TARS3: variants seen among roughly 807,000 people sequenced by gnomAD.
The protein encoded by TARS3 is threonine--tRNA ligase 2, cytoplasmic.
In TARS3, 94 loss-of-function variants were observed where a neutral mutation model predicts 103.5. That is an observed-to-expected ratio of 0.91 (90% confidence interval 0.77 to 1.08). The LOEUF is 1.08. Ranked by LOEUF, TARS3 falls within the 50% of genes least tolerant of loss-of-function variation. TARS3 has a pLI of 0.00. For synonymous variants in TARS3, 416 were observed against 355.4 expected (o/e 1.17, Z -1.92); for missense variants, 952 against 995.2 (o/e 0.96, Z 0.58).
At chr15:101,717,910 A>G (rs1900236155) in intron 3 of TARS3, among the ~76,000 whole-genome samples, 1 of 152,256 alleles carries the variant, frequency 6.6e-6, no homozygotes. Context: ...TAAAAATCCA[A>G]AACAAGTGGC....
intron 10 of TARS3, among the ~76,000 whole-genome samples, chr15:101,691,929 G>C (rs571262724): frequency 1.3e-5 from 2 of 151,516 alleles, no homozygotes; most frequent in South Asian, 2.1e-4. Context: ...TGGTTCTCAG[G>C]CCTCTGCACT....
At chr15:101,708,020 G>A (rs1204098777) in intron 6 of TARS3, among the ~76,000 whole-genome samples, 3 of 152,068 alleles carry the variant, frequency 2.0e-5, no homozygotes, top group Non-Finnish European at 2.9e-5. Flanking sequence ...GAGGGGGGTA[G>A]ATCACTTGAG....
intron 8 of TARS3, among the ~76,000 whole-genome samples, chr15:101,703,585 G>A (rs1899392084): frequency 6.6e-6 from 1 of 151,888 alleles, no homozygotes; most frequent in Admixed American, 6.6e-5. Context: ...GCAAGACTCT[G>A]TCTCAGAAAA....
At chr15:101,721,899 T>C (rs911613877) in intron 2 of TARS3, among the ~76,000 whole-genome samples, 1 of 152,252 alleles carries the variant, frequency 6.6e-6, no homozygotes, top group African/African-American at 2.4e-5. Context: ...CAGTATTCAA[T>C]AAATTACATG....
rs576457379 is a variant in TARS3 at position 101,709,877 on chromosome 15, CA to C, written c.813-968del. ...ATTTGGTCTTCATCCAGATTTCTGG[CA>C]CAGGGTTTTTAAAATCCTGAAATCT... On this transcript the variant is annotated intron_variant, in intron 5 of 18. Transcript: ENST00000335968. 7.3e-4 allele frequency among the ~76,000 whole-genome samples: 111 copies of C among 152,326 alleles called. 1 individual carries two copies. In the South Asian group the frequency reaches 8.5e-3, roughly 12 times the overall value.
chr15:101,712,046 C>T, intron 4 of TARS3, 45 bp from the exon 5 acceptor site: 1 of 1,568,588 alleles, frequency 6.4e-7, no homozygotes, highest in South Asian at 1.2e-5. Flanking sequence ...AAAAGTATGT[C>T]ATGGAAAATT....
Position 101,661,812 on chromosome 15 carries a change from C to A in TARS3, c.1972G>T (p.Asp658Tyr). The change falls in exon 16 of 19, where the codon GAT becomes TAT. Residue 658 changes from aspartate (D) to tyrosine (Y), a missense_variant. Asp to Tyr is a radical substitution (Grantham distance 160). Around this residue, in one of 2 missense-constraint regions of TARS3, gnomAD observed 540 missense variants for 631.0 expected, o/e 0.86. Coordinates refer to ENST00000335968, the MANE Select transcript of TARS3 (RefSeq NM_152334.3). ...IRFNLTYVSKDGDDKKRPVII... is the reference protein window; with the variant it reads ...IRFNLTYVSKYGDDKKRPVII... Reference sequence around the variant, plus strand: ...ACAGGTCTCTTCTTATCATCCCCATCCTTACTAAAAAATGAAAATTATACA... The same window carrying A: ...ACAGGTCTCTTCTTATCATCCCCATACTTACTAAAAAATGAAAATTATACA... 6.3e-7 allele frequency: 1 copy of A among 1,580,688 alleles called. No homozygotes were observed.
chr15:101,692,087 C>A (rs539329448), intron 10 of TARS3, among the ~76,000 whole-genome samples: 3 of 152,216 alleles, frequency 2.0e-5, no homozygotes, highest in Admixed American at 2.0e-4. Context: ...TCCTGACATG[C>A]CAATATACTT....
In TARS3 at chr15:101,656,962, TTTC is replaced by T. The variant is rs749060068; in HGVS notation, c.2217_2219del (p.Lys740del). The T allele has an allele frequency of 1.9e-6, 3 of 1,613,386 alleles. No homozygotes were observed. Among genetic ancestry groups the T allele is most frequent in the Admixed American group, 1.7e-5 (1 of 59,958 alleles). ...ACTGAGCCAGCTGTGCATTTCGTATTTTCTTATTTAGTGTACAACTGTGATCCA... is the reference window on the plus strand; with the variant it reads ...ACTGAGCCAGCTGTGCATTTCGTATTTTATTTAGTGTACAACTGTGATCCA... On this transcript the variant is annotated inframe_deletion, in exon 18 of 19. Transcript: ENST00000335968.
chr15:101,682,895 T>C (rs542770461), intron 12 of TARS3, among the ~76,000 whole-genome samples: 1 of 152,308 alleles, frequency 6.6e-6, no homozygotes, highest in South Asian at 2.1e-4. Flanking sequence ...ATCCATTTCA[T>C]CTAAGCTGTC....
chr15:101,702,502 G>C, intron 8 of TARS3, 117 bp from the exon 9 acceptor site: 6 of 846,854 alleles, frequency 7.1e-6, no homozygotes, highest in East Asian at 2.6e-5. Context: ...CTGCATGGTG[G>C]CTCATGCCTA....
At chr15:101,685,349 G>A (rs1898423779) in intron 11 of TARS3, among the ~76,000 whole-genome samples, 1 of 152,086 alleles carries the variant, frequency 6.6e-6, no homozygotes, top group South Asian at 2.1e-4. Context: ...AGCATTGATT[G>A]TAAAATGTAT....
chr15:101,675,877 C>G, intron 12 of TARS3, 140 bp from the exon 13 acceptor site: 1 of 919,760 alleles, frequency 1.1e-6, no homozygotes, highest in Non-Finnish European at 1.6e-6. Context: ...GTTGCTTATC[C>G]AATCCTGAGC....
intron 4 of TARS3, chr15:101,714,605 C>CAAAAAAAAAAAAAAAA: frequency 1.3e-5 from 1 of 77,462 alleles, no homozygotes; most frequent in Non-Finnish European, 2.1e-5. Flanking sequence ...GACTCCATCT[C>CAAAAAAAAAAAAAAAA]AAAAAAAAAA....
intron 7 of TARS3, 51 bp from the exon 8 acceptor site, chr15:101,703,988 C>CCTG: frequency 7.5e-7 from 1 of 1,329,622 alleles, no homozygotes; most frequent in Non-Finnish European, 1.1e-6. Context: ...GTGTTCTGGA[C>CCTG]TATTCATTAT....
At chr15:101,672,953 A>G (rs756952103) in intron 13 of TARS3, among the ~76,000 whole-genome samples, 2 of 152,182 alleles carry the variant, frequency 1.3e-5, no homozygotes, top group Non-Finnish European at 2.9e-5. Context: ...CAAGTTTTGG[A>G]GAAGAGGATA....
chr15:101,654,675 G>T lies in TARS3; in HGVS notation c.2316C>A (p.Asn772Lys). Residue 772 changes from asparagine to lysine, a missense_variant, in exon 19 of 19, where the codon AAC becomes AAA. By Grantham distance (94) the Asn-to-Lys change is moderately conservative (BLOSUM62 0). Coordinates refer to ENST00000335968, the MANE Select transcript of TARS3 (RefSeq NM_152334.3). Reference protein sequence around the residue: ...DNAVNVRTRDNKIHGEILVTS... With the variant: ...DNAVNVRTRDKKIHGEILVTS... Reference sequence around the variant, plus strand: ...TTACTAAAATCTCTCCATGAATTTTGTTGTCTCTTGTTCGCACGTTTACAG... The same window carrying T: ...TTACTAAAATCTCTCCATGAATTTTTTTGTCTCTTGTTCGCACGTTTACAG... 1.9e-6 allele frequency: 3 copies of T among 1,614,040 alleles called. No individual in the cohort carries two copies. Among genetic ancestry groups the T allele is most frequent in the Non-Finnish European group, 2.5e-6 (3 of 1,179,932 alleles).
At position 101,705,781 on chromosome 15, in the gene TARS3, C is replaced by T. The variant is rs374814196; in HGVS notation, c.931-34G>A. 7.4e-6 allele frequency: 11 copies of T among 1,495,036 alleles called. No homozygotes were observed. In the African/African-American group the frequency reaches 1.5e-4, roughly 21 times the overall value. 92.6% of individuals were successfully genotyped at this position (1,495,036 alleles called of 1,614,324 possible). On this transcript the variant is annotated intron_variant, in intron 6 of 18. Transcript: ENST00000335968. Reference sequence around the variant, plus strand: ...AAAAACATATTTACACATTATTACACACAATGTTGAAATGAAGAAAACAAC... The same window carrying T: ...AAAAACATATTTACACATTATTACATACAATGTTGAAATGAAGAAAACAAC...
At chr15:101,661,323 TGAAG>T (rs905170729) in intron 16 of TARS3, among the ~76,000 whole-genome samples, 3 of 151,484 alleles carry the variant, frequency 2.0e-5, no homozygotes, top group Non-Finnish European at 2.9e-5. Flanking sequence ...CAATATGGGT[TGAAG>T]GAAGGATGGC....
Sources: allele counts gnomAD v4.1 joint callset (sites outside exome capture counted in the v4.1 genomes callset), GRCh38; gene constraint gnomAD v4.1.1; regional missense constraint gnomAD v4.1.1; transcripts MANE v1.5; gene names NCBI Gene and HGNC (gene_info 2026-07-23, HGNC 2026-07-21).